STAT2: variants seen among roughly 807,000 people sequenced by gnomAD.
The protein encoded by STAT2 is signal transducer and activator of transcription 2, also known as interferon alpha induced transcriptional activator.
A neutral mutation model predicts 122.3 loss-of-function variants in STAT2; 51 were observed. The ratio of observed to expected loss-of-function variants is 0.42; its 90% CI spans 0.33 to 0.53. STAT2 has a LOEUF of 0.53. STAT2 is among the 20% of genes least tolerant of loss of function. STAT2 has a pLI of 0.10. For synonymous variants in STAT2, 351 were observed against 394.9 expected (o/e 0.89, Z 1.32); for missense variants, 736 against 1,010.3 (o/e 0.73, Z 3.68).
chr12:56,355,983 G>A (rs930849211), intron 3 of STAT2, 149 bp downstream of exon 3: 10 of 1,279,510 alleles, frequency 7.8e-6, no homozygotes, highest in Non-Finnish European at 9.8e-6. Context: ...CTCTCTGCTA[G>A]TGATTCCCCA....
intron 19 of STAT2, 73 bp downstream of exon 19, chr12:56,348,456 G>C: frequency 6.7e-7 from 1 of 1,490,064 alleles, no homozygotes. Context: ...TGCTTGCCAC[G>C]TGAGGGTGCA....
chr12:56,354,376 A>ATTT, intron 8 of STAT2, 90 bp downstream of exon 8: 3 of 1,577,950 alleles, frequency 1.9e-6, no homozygotes, highest in Non-Finnish European at 2.6e-6. Context: ...AGAGACAAAT[A>ATTT]GAGAACAGTA....
rs1879384080 is a variant in STAT2 at position 56,355,625 on chromosome 12, T to A, written c.381+83A>T. The A allele has an allele frequency of 1.9e-6, 3 of 1,595,908 alleles. No individual in the cohort carries two copies. The Admixed American group carries it at 5.0e-5, about 27-fold the overall frequency. On this transcript the variant is annotated intron_variant, in intron 4 of 23. Transcript: ENST00000314128. ...ATACCACAGGATGTCGGGGGGATCCTGTTCTGAGACAACTCCCTGAGTCCT... is the reference window on the plus strand; with the variant it reads ...ATACCACAGGATGTCGGGGGGATCCAGTTCTGAGACAACTCCCTGAGTCCT...
In STAT2 at chr12:56,343,696, A is replaced by G. The variant is rs1384880488; in HGVS notation, c.2413+129T>C. 71 of 1,528,818 alleles carry G rather than the reference A, an allele frequency of 4.6e-5. No homozygotes were observed. The East Asian group carries it at 1.6e-3, about 35-fold the overall frequency. 94.7% of individuals were successfully genotyped at this position (1,528,818 alleles called of 1,614,324 possible). ...GGGGAAGGCATGTGTAATTCCTAAA[A>G]AAAGGAATCACAGAATGGACCTCTC... On this transcript the variant is annotated intron_variant, in intron 23 of 23. Transcript: ENST00000314128.
Position 56,356,489 on chromosome 12 carries a change from G to A in STAT2, c.83C>T (p.Pro28Leu). Residue 28 changes from proline to leucine, a missense_variant, in exon 2 of 24, where the codon CCT (proline) becomes CTT (leucine). Coordinates refer to ENST00000314128, the MANE Select transcript of STAT2 (RefSeq NM_005419.4). ...AGCCAAGTACTGTCGAATGTCCACA[G>A]GCAGGAGGCTGTGCGAGTAAAGCTG... ...LHQLYSHSLLPVDIRQYLAVW... is the reference protein window; with the variant it reads ...LHQLYSHSLLLVDIRQYLAVW... The A allele has an allele frequency of 1.9e-6, 3 of 1,614,178 alleles. No homozygotes were observed. Among genetic ancestry groups the A allele is most frequent in the Non-Finnish European group, 2.5e-6 (3 of 1,180,036 alleles).
At position 56,346,933 on chromosome 12, in the gene STAT2, G is replaced by A. The variant is rs1877562355; in HGVS notation, c.1747C>T (p.Arg583Trp). Residue 583 changes from arginine (R) to tryptophan (W), a missense_variant, in exon 20 of 24, where the codon CGG becomes TGG. Physicochemically the swap from Arg to Trp is moderately radical, Grantham distance 101. Transcript: ENST00000314128. ...NDGRIMGFVSRSQERRLLKKT... is the reference protein window; with the variant it reads ...NDGRIMGFVSWSQERRLLKKT... ...TTCAGCAGCCGGCGCTCCTGGCTCC[G>A]ACTCACAAAGCCCATGATGCGTCTG... is the stretch of plus-strand genomic sequence containing the variant. The A allele has an allele frequency of 1.2e-6, 2 of 1,614,078 alleles. No individual in the cohort carries two copies. Among genetic ancestry groups the A allele is most frequent in the Non-Finnish European group, 1.7e-6 (2 of 1,180,010 alleles).
chr12:56,348,837 G>A (rs751616801), intron 17 of STAT2, 33 bp from the exon 18 acceptor site: 1 of 1,614,196 alleles, frequency 6.2e-7, no homozygotes. Context: ...CAGATGATGA[G>A]GGAAGCCAGG....
At chr12:56,349,542 C>T in intron 14 of STAT2, 33 bp from the exon 15 acceptor site, 2 of 1,614,160 alleles carry the variant, frequency 1.2e-6, no homozygotes, top group Non-Finnish European at 1.7e-6. Flanking sequence ...CATCAGAAGG[C>T]TCTTTGGCAA....
chr12:56,348,435 C>A (rs1055262800), intron 19 of STAT2, 94 bp downstream of exon 19: 1 of 1,324,350 alleles, frequency 7.6e-7, no homozygotes, highest in African/African-American at 1.4e-5. Flanking sequence ...CCTGTCTTTG[C>A]TCTCTCTCCC....
At position 56,343,851 on chromosome 12, in the gene STAT2, C is replaced by A. The variant is rs1293084152; in HGVS notation, c.2387G>T (p.Arg796Ile). ...VPEPDLPCDLRHLNTEPMEIF... is the reference protein window; with the variant it reads ...VPEPDLPCDLIHLNTEPMEIF... ...TTCCATTGGCTCAGTGTTCAAATGT[C>A]TCAGATCACAGGGCAAATCTGGCTC... Residue 796 changes from arginine (R) to isoleucine (I), a missense_variant, in exon 23 of 24, where the codon AGA becomes ATA. Transcript: ENST00000314128. 23 of 1,614,104 alleles carry A rather than the reference C, an allele frequency of 1.4e-5. No individual in the cohort carries two copies. The highest frequency in any genetic ancestry group is 8.5e-7 in the Non-Finnish European group (1 of 1,180,040).
chr12:56,348,182 G>A (rs908796718), intron 19 of STAT2, among the ~76,000 whole-genome samples: 3 of 148,412 alleles, frequency 2.0e-5, no homozygotes, highest in Non-Finnish European at 4.4e-5. Flanking sequence ...CCATCTCCCA[G>A]GTTCACGCCA....
rs1565645096 is a variant in STAT2, at chr12:56,342,882, AAG to A, written c.*505_*506del. On this transcript the variant is annotated 3_prime_UTR_variant, in exon 24 of 24. Transcript: ENST00000314128. ...AAGCTCTCAACCCCTGCAGGAAAAGAAGAAATTCAGGGCTTGAGCCAGGAGTA... is the reference window on the plus strand; with the variant it reads ...AAGCTCTCAACCCCTGCAGGAAAAGAAAATTCAGGGCTTGAGCCAGGAGTA... 1 of 152,470 alleles carries A rather than the reference AAG, an allele frequency of 6.6e-6. No homozygotes were observed. Among genetic ancestry groups the A allele is most frequent in the Non-Finnish European group, 1.5e-5 (1 of 68,254 alleles). The allele number at this position is 152,470 out of a possible 1,614,324, so 9.4% of individuals were successfully genotyped here.
chr12:56,353,262 G>A (rs901607471), intron 8 of STAT2, among the ~76,000 whole-genome samples: 5 of 152,110 alleles, frequency 3.3e-5, no homozygotes, highest in Non-Finnish European at 7.4e-5. Flanking sequence ...GGCCACATGT[G>A]TGAGCCACTG....
intron 22 of STAT2, 112 bp downstream of exon 22, chr12:56,346,034 C>T: frequency 2.5e-6 from 4 of 1,595,892 alleles, no homozygotes; most frequent in South Asian, 1.1e-5. Context: ...GGCAGAGCAG[C>T]TGACCATCAT....
intron 13 of STAT2, 131 bp from the exon 14 acceptor site, chr12:56,349,767 G>A: frequency 8.3e-7 from 1 of 1,209,280 alleles, no homozygotes; most frequent in Non-Finnish European, 1.2e-6. Flanking sequence ...ACTAAAAGCA[G>A]GCCAGCTATG....
Position 56,356,264 on chromosome 12 carries a change from A to T in STAT2, c.153T>A (p.Ser51Arg). Residue 51 changes from serine (S) to arginine (R), a missense_variant, in exon 3 of 24, where the codon AGT becomes AGA. By Grantham distance (110) the Ser-to-Arg change is moderately radical. Transcript: ENST00000314128. Reference sequence around the variant, plus strand: ...ATAGCATGGTAGCCTTGGAATCATCACTCCCAAGTGCAGCTTCCTGCCTGG... The same window carrying T: ...ATAGCATGGTAGCCTTGGAATCATCTCTCCCAAGTGCAGCTTCCTGCCTGG... ...DQNWQEAALG[S>R]DDSKATMLFF... 3.7e-6 allele frequency: 6 copies of T among 1,611,736 alleles called. No homozygotes were observed. Among genetic ancestry groups the T allele is most frequent in the Non-Finnish European group, 5.1e-6 (6 of 1,179,986 alleles).
At chr12:56,349,918 G>A (rs906792671) in intron 13 of STAT2, 179 bp downstream of exon 13, 1 of 662,270 alleles carries the variant, frequency 1.5e-6, no homozygotes, top group Non-Finnish European at 2.6e-6. Context: ...GCATGGTGGT[G>A]TGTGCCTATA....
chr12:56,356,521 C>G lies in STAT2; in HGVS notation c.51G>C (p.Gln17His), dbSNP rs1879538975. Residue 17 changes from glutamine (Q) to histidine (H), a missense_variant, in exon 2 of 24, where the codon CAG becomes CAC. Physicochemically the swap from Gln to His is conservative, Grantham distance 24. Coordinates refer to ENST00000314128, the MANE Select transcript of STAT2 (RefSeq NM_005419.4). ...LQNLDSPFQD[Q>H]LHQLYSHSLL... ...GGCTGTGCGAGTAAAGCTGGTGCAG[C>G]TGATCCTGAAAGGGGCTGTCAAGAT... 1.2e-6 allele frequency: 2 copies of G among 1,614,090 alleles called. No homozygotes were observed. Among genetic ancestry groups the G allele is most frequent in the South Asian group, 2.2e-5 (2 of 91,090 alleles).
Position 56,345,524 on chromosome 12 carries a change from AATAT to A in STAT2, c.2102+618_2102+621del, listed in dbSNP as rs1555169411. On this transcript the variant is annotated intron_variant, in intron 22 of 23. Transcript: ENST00000314128. ...AAAAAAAAAAAAAAAAAAAAAAAAA[AATAT>A]ATATATATGCGGGGTGTGGTGGCTC... Among the ~76,000 whole-genome samples, 3 of 26,250 alleles carry A rather than the reference AATAT, an allele frequency of 1.1e-4. 1 individual carries two copies. The highest frequency in any genetic ancestry group is 1.1e-3 in the African/African-American group (2 of 1,874). The allele number at this position is 26,250 out of a possible 152,430, so 17.2% of individuals were successfully genotyped here.
Sources: gnomAD v4.1 joint callset for allele counts (sites outside exome capture counted in the v4.1 genomes callset) on GRCh38, gnomAD v4.1.1 for gene constraint, MANE v1.5 for transcripts, NCBI Gene and HGNC (gene_info 2026-07-23, HGNC 2026-07-21) for gene names.